The following ACOXL variants were observed in gnomAD, a reference collection of about 807,000 sequenced individuals.
The protein encoded by ACOXL is acyl-CoA oxidase like.
ACOXL carries 70 observed loss-of-function variants against 71.9 expected under a neutral mutation model. The observed-to-expected ratio is 0.97, with a 90% CI of 0.80 to 1.19. The LOEUF (loss-of-function observed/expected upper bound fraction) is 1.19, where lower values mean the gene tolerates loss of function less well. Ranked by LOEUF, ACOXL falls within the 50% of genes most tolerant of loss-of-function variation. ACOXL has a pLI of 0.00. For synonymous variants in ACOXL, 253 were observed against 281.6 expected, an observed-to-expected ratio of 0.90 and a Z score of 1.02; for missense variants, 703 against 736.3, an observed-to-expected ratio of 0.95 and a Z score of 0.52.
chr2:110,920,904 G>A (rs993834173), intron 11 of ACOXL, among the ~76,000 whole-genome samples: 1 of 151,976 alleles, frequency 6.6e-6, no homozygotes, highest in Non-Finnish European at 1.5e-5. Flanking sequence ...ATTTTACTAT[G>A]TTGATACCTA....
At chr2:111,085,279 C>A (rs1352792070) in intron 16 of ACOXL, among the ~76,000 whole-genome samples, 2 of 152,178 alleles carry the variant, frequency 1.3e-5, no homozygotes, top group East Asian at 3.9e-4. Context: ...AAGATACATT[C>A]ATCTCATGGC....
chr2:110,869,540 G>A (rs1695014271), intron 10 of ACOXL, among the ~76,000 whole-genome samples: 1 of 152,198 alleles, frequency 6.6e-6, no homozygotes, highest in Non-Finnish European at 1.5e-5. Flanking sequence ...GCACATGCCA[G>A]CACTCTCCAG....
At chr2:110,811,730 TACACACACAC>T (rs780039810) in intron 9 of ACOXL, among the ~76,000 whole-genome samples, 1,113 of 101,646 alleles carry the variant, frequency 0.011, 12 homozygotes, top group African/African-American at 0.019. Context: ...TTTTTTTGCA[TACACACACAC>T]ACACACACAC....
chr2:111,053,988 T>C (rs2066417649), intron 16 of ACOXL, among the ~76,000 whole-genome samples: 1 of 152,210 alleles, frequency 6.6e-6, no homozygotes, highest in Non-Finnish European at 1.5e-5. Context: ...AACAAGACAG[T>C]AGAACAAGGG....
At chr2:110,798,870 C>T (rs763439726) in intron 6 of ACOXL, 144 bp from the exon 7 acceptor site, 1 of 1,125,628 alleles carries the variant, frequency 8.9e-7, no homozygotes, top group Non-Finnish European at 1.3e-6. Context: ...TTTATCATTA[C>T]ATTTTGACAT....
chr2:111,118,222 G>T lies in ACOXL; in HGVS notation c.*406G>T. On this transcript the variant is annotated 3_prime_UTR_variant, in exon 18 of 18. Transcript: ENST00000439055. ...AGAAAAACTGTGGTGCCGAGTGAAA[G>T]AAAAAAAAAAAAGCAAACACCCTTA... 9.9e-6 allele frequency: 2 copies of T among 201,260 alleles called. No individual in the cohort carries two copies. The highest frequency in any genetic ancestry group is 2.5e-5 in the African/African-American group (1 of 40,040). The allele number at this position is 201,260 out of a possible 1,614,324, so 12.5% of individuals were successfully genotyped here.
At chr2:110,877,569 G>T (rs1696084112) in intron 10 of ACOXL, among the ~76,000 whole-genome samples, 1 of 152,184 alleles carries the variant, frequency 6.6e-6, no homozygotes, top group Non-Finnish European at 1.5e-5. Flanking sequence ...GTAGCCACTG[G>T]GTTGATGCAG....
intron 10 of ACOXL, among the ~76,000 whole-genome samples, chr2:110,867,765 A>G (rs571415337): frequency 2.8e-4 from 43 of 152,082 alleles, no homozygotes; most frequent in African/African-American, 1.0e-3. Flanking sequence ...GCAACTCAAA[A>G]ATTGCTTTTT....
chr2:111,083,689 C>A (rs1386756348), intron 16 of ACOXL, among the ~76,000 whole-genome samples: 2 of 151,922 alleles, frequency 1.3e-5, no homozygotes, highest in Admixed American at 1.3e-4. Context: ...GCCCAAAGGT[C>A]CAGGCATACA....
At position 111,033,131 on chromosome 2, in the gene ACOXL, G is replaced by T. The variant is rs370998789; in HGVS notation, c.1369+1417G>T. Among the ~76,000 whole-genome samples, 190 of 152,306 alleles carry T rather than the reference G, an allele frequency of 1.2e-3. 1 individual carries two copies. The highest frequency in any genetic ancestry group is 4.5e-3 in the African/African-American group (188 of 41,570). ...ACCACACTCTGAAATGACCATGACC[G>T]CATTGGCCTTCCTGATTCTGACTGA... On this transcript the variant is annotated intron_variant, in intron 15 of 17. Transcript: ENST00000439055.
chr2:111,000,359 TG>T (rs1182678717), intron 14 of ACOXL, among the ~76,000 whole-genome samples: 1 of 152,168 alleles, frequency 6.6e-6, no homozygotes, highest in Non-Finnish European at 1.5e-5. Flanking sequence ...CTTCTTATTG[TG>T]GCTTTCAGTG....
At chr2:110,767,813 C>T (rs1234198987) in intron 1 of ACOXL, among the ~76,000 whole-genome samples, 1 of 152,070 alleles carries the variant, frequency 6.6e-6, no homozygotes, top group Non-Finnish European at 1.5e-5. Context: ...TGGCCGGGCG[C>T]GGTGGCTCAC....
intron 2 of ACOXL, among the ~76,000 whole-genome samples, chr2:110,774,273 G>T (rs1473364910): frequency 6.6e-6 from 1 of 152,122 alleles, no homozygotes; most frequent in Non-Finnish European, 1.5e-5. Context: ...TTACATTTTT[G>T]TCTGGGAGGA....
intron 11 of ACOXL, among the ~76,000 whole-genome samples, chr2:110,915,428 A>ATAT (rs1315085098): frequency 2.8e-5 from 3 of 108,014 alleles, no homozygotes; most frequent in South Asian, 2.8e-4. Context: ...ATATATATAT[A>ATAT]TTTTTTTTTT....
At chr2:111,036,458 C>G (rs1270605655) in intron 15 of ACOXL, among the ~76,000 whole-genome samples, 1 of 152,176 alleles carries the variant, frequency 6.6e-6, no homozygotes, top group Non-Finnish European at 1.5e-5. Flanking sequence ...TCTGTTGCAC[C>G]AAGAATAGGC....
At chr2:110,904,994 T>A (rs1261969143) in intron 10 of ACOXL, among the ~76,000 whole-genome samples, 1 of 152,022 alleles carries the variant, frequency 6.6e-6, no homozygotes, top group Admixed American at 6.6e-5. Flanking sequence ...CTTCAGCAAT[T>A]AGCTGGCCCT....
At position 111,021,169 on chromosome 2, in the gene ACOXL, G is replaced by A. The variant is rs533552984; in HGVS notation, c.1282-10458G>A. ...TGGGACAGGCAAGGGTGGCAGGGGC[G>A]AAGGGTAGAGGAGTGGGCCAGTGGA... On this transcript the variant is annotated intron_variant, in intron 14 of 17. Coordinates refer to ENST00000439055, the MANE Select transcript of ACOXL (RefSeq NM_001142807.4). Among the ~76,000 whole-genome samples, 7 of 152,244 alleles carry A rather than the reference G, an allele frequency of 4.6e-5. No homozygotes were observed. In the East Asian group the frequency reaches 7.7e-4, roughly 17 times the overall value.
intron 2 of ACOXL, 143 bp downstream of exon 2, chr2:110,768,607 G>A: frequency 2.8e-6 from 2 of 711,132 alleles, no homozygotes; most frequent in Non-Finnish European, 4.6e-6. Context: ...TGGGTAAATT[G>A]CGTGTTATGG....
intron 12 of ACOXL, among the ~76,000 whole-genome samples, chr2:110,953,819 A>G (rs1410713471): frequency 1.3e-5 from 2 of 152,186 alleles, no homozygotes; most frequent in African/African-American, 4.8e-5. Context: ...ATGGCAGAGC[A>G]GGAGAGAGAG....
Sources: allele counts gnomAD v4.1 joint callset (sites outside exome capture counted in the v4.1 genomes callset), GRCh38; gene constraint gnomAD v4.1.1; transcripts MANE v1.5; gene names NCBI Gene and HGNC (gene_info 2026-07-23, HGNC 2026-07-21).